Variants in SOCS2 observed in about 807,000 individuals in gnomAD.
The protein encoded by SOCS2 is suppressor of cytokine signaling 2, also known as CIS-2.
In SOCS2, 10 loss-of-function variants were observed where a neutral mutation model predicts 18.6. That is an observed-to-expected ratio of 0.54 (90% CI 0.33 to 0.91). SOCS2 has a LOEUF of 0.91. Among genes scored for constraint, SOCS2 ranks in the 40% least tolerant of loss-of-function variants. SOCS2 has a pLI of 0.02. For synonymous variants in SOCS2, 104 were observed against 104.0 expected, an observed-to-expected ratio of 1.00 and a Z score of 0.00; for missense variants, 231 against 247.2, an observed-to-expected ratio of 0.93 and a Z score of 0.44.
the SOCS2 span, among the ~76,000 whole-genome samples, chr12:93,609,905 T>C: frequency 5.9e-5 from 9 of 152,192 alleles, no homozygotes; most frequent in Non-Finnish European, 1.2e-4. Flanking sequence ...GGAGAGGGCC[T>C]TCTTGCAGTA....
At chr12:93,615,836 T>C in the SOCS2 span, among the ~76,000 whole-genome samples, 4 of 152,152 alleles carry the variant, frequency 2.6e-5, no homozygotes, top group East Asian at 7.7e-4. Context: ...CTTCAAGTGA[T>C]CCTCCCGCCT....
chr12:93,615,153 T>G, the SOCS2 span, among the ~76,000 whole-genome samples: 43 of 152,186 alleles, frequency 2.8e-4, no homozygotes, highest in African/African-American at 1.0e-3. Flanking sequence ...TCATCCTGCC[T>G]CTGCCCTTGC....
chr12:93,586,096 T>G (rs1232389770), downstream of SOCS2, among the ~76,000 whole-genome samples: 1 of 152,190 alleles, frequency 6.6e-6, no homozygotes, highest in Non-Finnish European at 1.5e-5. Flanking sequence ...GTTGGATCCG[T>G]GGATGGGAAA....
rs1565841884 is a variant in SOCS2 at position 93,575,272 on chromosome 12, T to C, written c.*93T>C. 5 of 806,656 alleles carry C rather than the reference T, an allele frequency of 6.2e-6. No homozygotes were observed. The highest frequency in any genetic ancestry group is 2.3e-5 in the South Asian group (1 of 43,780). 50.0% of individuals were successfully genotyped at this position (806,656 alleles called of 1,614,324 possible). A position where few individuals can be genotyped will look rare whatever the true frequency, so the allele number is the denominator to read the frequency against. On this transcript the variant is annotated 3_prime_UTR_variant, in exon 2 of 2. Transcript: ENST00000551556. ...AAAACTTGAGTGCTCTGGATAACTA[T>C]ATGGAATGCTTTCTAAGAACAGCTG... is the stretch of plus-strand genomic sequence containing the variant.
At chr12:93,602,626 A>G in the SOCS2 span, among the ~76,000 whole-genome samples, 4 of 152,106 alleles carry the variant, frequency 2.6e-5, no homozygotes, top group Non-Finnish European at 5.9e-5. Context: ...AGTCCACTTC[A>G]CCAGGCCTTT....
At chr12:93,591,735 C>G in the SOCS2 span, among the ~76,000 whole-genome samples, 1 of 152,188 alleles carries the variant, frequency 6.6e-6, no homozygotes, top group Non-Finnish European at 1.5e-5. Context: ...AGCAAGGAGC[C>G]GGTCACAGGC....
chr12:93,610,946 T>C, the SOCS2 span, among the ~76,000 whole-genome samples: 1 of 152,324 alleles, frequency 6.6e-6, no homozygotes, highest in Admixed American at 6.5e-5. Flanking sequence ...ATCATACTAA[T>C]GGCCATACTT....
chr12:93,590,071 A>T, the SOCS2 span, among the ~76,000 whole-genome samples: 1 of 151,370 alleles, frequency 6.6e-6, no homozygotes, highest in African/African-American at 2.4e-5. Flanking sequence ...GACCAACACG[A>T]TGAAACTCCA....
At chr12:93,606,619 G>A in the SOCS2 span, among the ~76,000 whole-genome samples, 1 of 151,982 alleles carries the variant, frequency 6.6e-6, no homozygotes, top group Non-Finnish European at 1.5e-5. Context: ...GGCACTTTGT[G>A]GTGTGTTCTT....
chr12:93,605,658 C>A, the SOCS2 span, among the ~76,000 whole-genome samples: 1 of 152,204 alleles, frequency 6.6e-6, no homozygotes, highest in Non-Finnish European at 1.5e-5. Flanking sequence ...CAAGTGGATG[C>A]CTCCTGCATG....
chr12:93,575,055 C>G lies in SOCS2; in HGVS notation c.473C>G (p.Thr158Arg), dbSNP rs142112015. Residue 158 changes from threonine to arginine, a missense_variant, in exon 2 of 2, where the codon ACG (threonine) becomes AGG (arginine). Thr to Arg is a moderately conservative substitution (Grantham distance 71). Coordinates refer to ENST00000551556, the MANE Select transcript of SOCS2 (RefSeq NM_001270471.2). ...CTTTATCTGACCAAACCGCTCTACA[C>G]GTCAGCACCATCTCTGCAGCATCTC... ...VHLYLTKPLY[T>R]SAPSLQHLCR... is the part of the protein sequence containing the mutation. The G allele has an allele frequency of 3.2e-5, 52 of 1,614,032 alleles. No individual in the cohort carries two copies. Among genetic ancestry groups the G allele is most frequent in the Non-Finnish European group, 2.3e-5 (27 of 1,180,010 alleles).
the SOCS2 span, among the ~76,000 whole-genome samples, chr12:93,592,986 C>T: frequency 2.1e-5 from 3 of 142,376 alleles, no homozygotes; most frequent in South Asian, 2.2e-4. Context: ...CAAAGGACAT[C>T]GATTAAGCAC....
chr12:93,604,174 C>T, the SOCS2 span, among the ~76,000 whole-genome samples: 5 of 150,810 alleles, frequency 3.3e-5, no homozygotes, highest in Admixed American at 2.0e-4. Flanking sequence ...CTTCTGCACT[C>T]ATAGATTCTC....
chr12:93,590,604 G>A, the SOCS2 span, among the ~76,000 whole-genome samples: 1 of 151,626 alleles, frequency 6.6e-6, no homozygotes, highest in Non-Finnish European at 1.5e-5. Flanking sequence ...AGACCATCCT[G>A]GCCAACATGG....
chr12:93,593,555 A>G, the SOCS2 span, among the ~76,000 whole-genome samples: 5 of 152,248 alleles, frequency 3.3e-5, no homozygotes, highest in African/African-American at 1.2e-4. Flanking sequence ...TTCAAAAAAC[A>G]TGTGGTTCAC....
At chr12:93,574,602 C>T in intron 1 of SOCS2, 120 bp from the exon 2 acceptor site, 3 of 532,758 alleles carry the variant, frequency 5.6e-6, no homozygotes, top group Middle Eastern at 5.5e-4. Flanking sequence ...CACACACCAC[C>T]TTTTTTTTTT....
chr12:93,617,662 A>G, the SOCS2 span, among the ~76,000 whole-genome samples: 1 of 152,144 alleles, frequency 6.6e-6, no homozygotes, highest in African/African-American at 2.4e-5. Context: ...TTACTTCAAA[A>G]TATGTAATAA....
chr12:93,589,535 C>T, the SOCS2 span, among the ~76,000 whole-genome samples: 1 of 151,996 alleles, frequency 6.6e-6, no homozygotes, highest in Admixed American at 6.6e-5. Flanking sequence ...TTGAAATGTC[C>T]CCATTCCCTT....
chr12:93,590,314 G>A, the SOCS2 span, among the ~76,000 whole-genome samples: 1 of 151,716 alleles, frequency 6.6e-6, no homozygotes, highest in African/African-American at 2.4e-5. Flanking sequence ...TTTAGCTACC[G>A]ACGCAAGACT....
Sources: gnomAD v4.1 joint callset for allele counts (sites outside exome capture counted in the v4.1 genomes callset) on GRCh38, gnomAD v4.1.1 for gene constraint, MANE v1.5 for transcripts, NCBI Gene and HGNC (gene_info 2026-07-23, HGNC 2026-07-21) for gene names.